GRHL2: variants seen among roughly 807,000 people sequenced by gnomAD.
GRHL2 encodes grainyhead like transcription factor 2.
In GRHL2, 21 loss-of-function variants were observed where a neutral mutation model predicts 83.8. That is an observed-to-expected ratio of 0.25 (90% confidence interval 0.18 to 0.36). The LOEUF (loss-of-function observed/expected upper bound fraction) is 0.36. Among genes scored for constraint, GRHL2 ranks in the 10% least tolerant of loss-of-function variants. The pLI is 1.00. For missense variants in GRHL2, 623 were observed against 781.8 expected, an observed-to-expected ratio of 0.80 and a Z score of 2.42; for synonymous variants, 280 against 278.9, an observed-to-expected ratio of 1.00 and a Z score of -0.04.
At chr8:101,596,293 G>A (rs572384966) in intron 7 of GRHL2, among the ~76,000 whole-genome samples, 1 of 152,184 alleles carries the variant, frequency 6.6e-6, no homozygotes, top group South Asian at 2.1e-4. Context: ...GGAAACATTT[G>A]GAGGAAACGA....
At chr8:101,628,083 T>A (rs1293848902) in intron 9 of GRHL2, among the ~76,000 whole-genome samples, 1 of 152,212 alleles carries the variant, frequency 6.6e-6, no homozygotes, top group Non-Finnish European at 1.5e-5. Context: ...AGATCATTGA[T>A]GAAGGTGGCT....
intron 14 of GRHL2, among the ~76,000 whole-genome samples, chr8:101,657,888 C>T (rs1308260383): frequency 6.6e-6 from 1 of 151,968 alleles, no homozygotes; most frequent in Non-Finnish European, 1.5e-5. Flanking sequence ...AAAACCCAAG[C>T]ACTCCAAATC....
At chr8:101,631,490 C>A in intron 9 of GRHL2, 147 bp from the exon 10 acceptor site, 1 of 713,686 alleles carries the variant, frequency 1.4e-6, no homozygotes, top group Non-Finnish European at 2.5e-6. Context: ...AGAGCCAAAC[C>A]CAACCTTGCC....
chr8:101,509,152 TCC>T (rs1810405373), intron 1 of GRHL2, among the ~76,000 whole-genome samples: 2 of 78,216 alleles, frequency 2.6e-5, no homozygotes, highest in African/African-American at 6.7e-5. Flanking sequence ...CTTCCTTCCT[TCC>T]TTCCTTTCTT....
downstream of GRHL2, among the ~76,000 whole-genome samples, chr8:101,674,009 C>A (rs544634583): frequency 6.6e-6 from 1 of 152,028 alleles, no homozygotes; most frequent in East Asian, 1.9e-4. Context: ...TTGAAACCAA[C>A]GAGAACAAAG....
In GRHL2 at chr8:101,627,907, A is replaced by G. The variant is rs145663029; in HGVS notation, c.1258-3730A>G. 9.9e-5 allele frequency among the ~76,000 whole-genome samples: 15 copies of G among 152,258 alleles called. No homozygotes were observed. The East Asian group carries it at 2.1e-3, about 22-fold the overall frequency. ...CAAGGCCCTAACTCTTTTCAACTCT[A>G]TGAAGGCTGAGAGAGATGAGGAAGC... On this transcript the variant is annotated intron_variant, in intron 9 of 15. Coordinates refer to ENST00000646743, the MANE Select transcript of GRHL2 (RefSeq NM_024915.4).
rs72674262 is a variant in GRHL2 at position 101,642,575 on chromosome 8, C to T, written c.1518-1556C>T. On this transcript the variant is annotated intron_variant, in intron 12 of 15. Transcript: ENST00000646743. ...TACACAGTAACGTGACCTGCTTTTA[C>T]GACAAGGTAGTAAGAGGAAGGCAGA... 9.3e-3 allele frequency among the ~76,000 whole-genome samples: 1,413 copies of T among 152,250 alleles called. 10 individuals carry two copies. The highest frequency in any genetic ancestry group is 0.027 in the Middle Eastern group (8 of 294).
At chr8:101,493,415 TCCCGCCTTCCTCCCCCCTCC>T (rs1032676305) in intron 1 of GRHL2, among the ~76,000 whole-genome samples, 7 of 151,590 alleles carry the variant, frequency 4.6e-5, no homozygotes, top group African/African-American at 1.4e-4. Context: ...TCCCTCGACA[TCCCGCCTTCCTCCCCCCTCC>T]CCCGCCTCCC....
At chr8:101,652,337 G>A (rs1331667414) in intron 14 of GRHL2, among the ~76,000 whole-genome samples, 1 of 99,980 alleles carries the variant, frequency 1.0e-5, no homozygotes, top group Non-Finnish European at 1.9e-5. Flanking sequence ...TGTGGTGTGT[G>A]TGTATGTGTG....
intron 7 of GRHL2, among the ~76,000 whole-genome samples, chr8:101,580,700 T>A (rs1563590882): frequency 6.6e-6 from 1 of 152,018 alleles, no homozygotes; most frequent in Non-Finnish European, 1.5e-5. Context: ...ATTTATTTTA[T>A]TTTATTTATT....
the GRHL2 span, among the ~76,000 whole-genome samples, chr8:101,677,254 A>G: frequency 6.6e-6 from 1 of 151,874 alleles, no homozygotes; most frequent in South Asian, 2.1e-4. Flanking sequence ...CAAGATGAAC[A>G]TCACCTGCTT....
chr8:101,567,669 T>G (rs1811743253), intron 4 of GRHL2, among the ~76,000 whole-genome samples: 1 of 152,240 alleles, frequency 6.6e-6, no homozygotes, highest in African/African-American at 2.4e-5. Flanking sequence ...GTTTATTTCT[T>G]CACAGTTCTT....
intron 2 of GRHL2, among the ~76,000 whole-genome samples, chr8:101,548,816 A>C (rs1811318529): frequency 6.6e-6 from 1 of 152,238 alleles, no homozygotes; most frequent in Admixed American, 6.5e-5. Context: ...CCTTAAACCG[A>C]GCACAGCTGT....
downstream of GRHL2, among the ~76,000 whole-genome samples, chr8:101,670,614 C>T (rs1189740626): frequency 1.3e-5 from 2 of 152,208 alleles, no homozygotes; most frequent in Non-Finnish European, 2.9e-5. Flanking sequence ...TCTTGGTGCT[C>T]TCCCCAGCTG....
At chr8:101,608,733 TCTCACA>T (rs1285010299) in intron 8 of GRHL2, among the ~76,000 whole-genome samples, 9 of 50,528 alleles carry the variant, frequency 1.8e-4, no homozygotes, top group Admixed American at 5.2e-4. Flanking sequence ...CTGCTCACTC[TCTCACA>T]CACACACACA....
At chr8:101,579,861 T>C (rs1812014339) in intron 7 of GRHL2, among the ~76,000 whole-genome samples, 1 of 152,192 alleles carries the variant, frequency 6.6e-6, no homozygotes, top group African/African-American at 2.4e-5. Flanking sequence ...AGGACTATCA[T>C]GGAGGGTTAT....
the GRHL2 span, among the ~76,000 whole-genome samples, chr8:101,678,080 A>G: frequency 6.6e-6 from 1 of 152,196 alleles, no homozygotes; most frequent in Non-Finnish European, 1.5e-5. Context: ...GAGGGAAGAG[A>G]AGGAGGTCCG....
intron 8 of GRHL2, among the ~76,000 whole-genome samples, chr8:101,613,189 G>A (rs1481559281): frequency 6.6e-6 from 1 of 150,820 alleles, no homozygotes; most frequent in Non-Finnish European, 1.5e-5. Context: ...AACAAAAAGT[G>A]AGCACTGGAA....
chr8:101,678,607 G>C, the GRHL2 span, among the ~76,000 whole-genome samples: 1 of 151,476 alleles, frequency 6.6e-6, no homozygotes, highest in Non-Finnish European at 1.5e-5. Context: ...GCCTGCCTCT[G>C]TAGGCTCCAC....
Sources: allele counts gnomAD v4.1 joint callset (sites outside exome capture counted in the v4.1 genomes callset), GRCh38; gene constraint gnomAD v4.1.1; transcripts MANE v1.5; gene names NCBI Gene and HGNC (gene_info 2026-07-23, HGNC 2026-07-21).